PRDM11: variants seen among roughly 807,000 people sequenced by gnomAD.
PRDM11 encodes PR/SET domain 11.
A neutral mutation model predicts 97.8 loss-of-function variants in PRDM11; 20 were observed. The observed-to-expected ratio is 0.20, with a 90% CI of 0.14 to 0.30. PRDM11 has a LOEUF of 0.30. PRDM11 is among the 10% of genes least tolerant of loss of function. PRDM11 has a pLI of 1.00. For synonymous variants in PRDM11, 599 were observed against 637.7 expected (o/e 0.94, Z 0.91); for missense variants, 1,139 against 1,555.2 (o/e 0.73, Z 4.50).
At chr11:45,139,068 T>G (rs1852938543) in intron 1 of PRDM11, among the ~76,000 whole-genome samples, 1 of 152,124 alleles carries the variant, frequency 6.6e-6, no homozygotes, top group Non-Finnish European at 1.5e-5. Flanking sequence ...AGTAAACATA[T>G]TAAAATAAGC....
chr11:45,097,184 A>G (rs930502496), intron 1 of PRDM11, among the ~76,000 whole-genome samples: 2 of 152,204 alleles, frequency 1.3e-5, no homozygotes, highest in East Asian at 3.8e-4. Flanking sequence ...TTAATGCATC[A>G]ATAGCTCACA....
At chr11:45,188,355 T>C (rs879443275) in intron 4 of PRDM11, among the ~76,000 whole-genome samples, 3 of 152,202 alleles carry the variant, frequency 2.0e-5, no homozygotes, top group Non-Finnish European at 2.9e-5. Context: ...TGCACAAAGC[T>C]AAACAGCTGG....
rs1034424867 is a variant in PRDM11 at position 45,226,906 on chromosome 11, A to G, written c.2281A>G (p.Met761Val). 5 of 1,533,766 alleles carry G rather than the reference A, an allele frequency of 3.3e-6. No homozygotes were observed. The highest frequency in any genetic ancestry group is 2.0e-5 in the Admixed American group (1 of 50,986). ...GCCCTGGCTGCTGTGCCTGCCCTTC[A>G]TGGTGCACCGGCCCCACCTGGAGAT... is the stretch of plus-strand genomic sequence containing the variant. ...TLPWLLCLPF[M>V]VHRPHLEILD... Residue 761 changes from methionine to valine, a missense_variant, in exon 8 of 8, where the codon ATG (methionine) becomes GTG (valine). This residue lies in a region of PRDM11 where 710 missense variants were observed against 1,044.9 expected (regional missense o/e 0.68). Transcript: ENST00000683152.
At chr11:45,126,237 T>C (rs1852568340) in intron 1 of PRDM11, among the ~76,000 whole-genome samples, 1 of 152,060 alleles carries the variant, frequency 6.6e-6, no homozygotes, top group Non-Finnish European at 1.5e-5. Context: ...TGTCTCTGCT[T>C]GTGAGATGGG....
intron 1 of PRDM11, among the ~76,000 whole-genome samples, chr11:45,122,489 C>T (rs188914589): frequency 4.3e-5 from 6 of 139,796 alleles, no homozygotes; most frequent in African/African-American, 1.0e-4. Context: ...ATCCCTCCCC[C>T]CTCCCTCCAC....
At chr11:45,157,367 AG>A (rs1851824279) in intron 1 of PRDM11, among the ~76,000 whole-genome samples, 2 of 152,116 alleles carry the variant, frequency 1.3e-5, no homozygotes. Context: ...AGTTCACGGT[AG>A]GGTTCGCGTC....
At chr11:45,121,974 G>A (rs1046150571) in intron 1 of PRDM11, among the ~76,000 whole-genome samples, 6 of 151,564 alleles carry the variant, frequency 4.0e-5, no homozygotes, top group African/African-American at 1.2e-4. Flanking sequence ...AAAGATATAC[G>A]GAAAATTAAT....
chr11:45,224,783 C>T lies in PRDM11; in HGVS notation c.1309C>T (p.Pro437Ser). The change falls in exon 7 of 8, where the codon CCT becomes TCT. Residue 437 changes from proline (P) to serine (S), a missense_variant. This residue lies in a region of PRDM11 where 710 missense variants were observed against 1,044.9 expected (regional missense o/e 0.68). Transcript: ENST00000683152. ...ELDMLKSGKL[P>S]EPPVLPPQVL... Reference sequence around the variant, plus strand: ...AGACATGCTTAAGTCTGGGAAACTTCCTGAGCCCCCCGTATTGCCACCACA... The same window carrying T: ...AGACATGCTTAAGTCTGGGAAACTTTCTGAGCCCCCCGTATTGCCACCACA... The T allele has an allele frequency of 1.2e-6, 2 of 1,614,242 alleles. No homozygotes were observed. The highest frequency in any genetic ancestry group is 1.7e-6 in the Non-Finnish European group (2 of 1,180,048).
At chr11:45,120,704 G>A (rs1403497033) in intron 1 of PRDM11, among the ~76,000 whole-genome samples, 1 of 151,894 alleles carries the variant, frequency 6.6e-6, no homozygotes. Flanking sequence ...TGTCCTTCAT[G>A]GTGAAGGAAA....
At chr11:45,119,348 C>T (rs561818129) in intron 1 of PRDM11, among the ~76,000 whole-genome samples, 44 of 152,168 alleles carry the variant, frequency 2.9e-4, no homozygotes, top group African/African-American at 1.0e-3. Context: ...GGTAAGGCGG[C>T]CGGGCGCGGT....
chr11:45,166,876 C>G (rs549816958), intron 1 of PRDM11, among the ~76,000 whole-genome samples: 1 of 152,304 alleles, frequency 6.6e-6, no homozygotes, highest in East Asian at 1.9e-4. Flanking sequence ...CCAAGTATGC[C>G]CATTTGTTTT....
chr11:45,140,605 T>C (rs1005458582), intron 1 of PRDM11, among the ~76,000 whole-genome samples: 2 of 152,170 alleles, frequency 1.3e-5, no homozygotes, highest in East Asian at 1.9e-4. Flanking sequence ...CAGCCCTTTT[T>C]GTTGGGTGGC....
chr11:45,161,453 A>G (rs373764519), intron 1 of PRDM11, among the ~76,000 whole-genome samples: 130 of 152,252 alleles, frequency 8.5e-4, no homozygotes, highest in African/African-American at 3.0e-3. Flanking sequence ...GCCTACGGGG[A>G]GGGAAGAAGG....
At chr11:45,206,426 T>G (rs1853512724) in intron 5 of PRDM11, among the ~76,000 whole-genome samples, 2 of 152,200 alleles carry the variant, frequency 1.3e-5, no homozygotes, top group African/African-American at 4.8e-5. Flanking sequence ...ACCCCAAGCC[T>G]GTGCTGCTGT....
chr11:45,146,517 C>A (rs201820352), upstream of PRDM11, among the ~76,000 whole-genome samples: 1 of 151,664 alleles, frequency 6.6e-6, no homozygotes, highest in African/African-American at 2.4e-5. Context: ...AGGGCGCGGG[C>A]CTAAGGGGCC....
At chr11:45,198,868 G>A (rs1853225189) in intron 4 of PRDM11, among the ~76,000 whole-genome samples, 1 of 152,146 alleles carries the variant, frequency 6.6e-6, no homozygotes, top group East Asian at 1.9e-4. Context: ...TACTGTCAGA[G>A]ACCCAAGTTT....
chr11:45,199,502 G>C (rs1282562622), intron 4 of PRDM11, among the ~76,000 whole-genome samples: 1 of 152,190 alleles, frequency 6.6e-6, no homozygotes, highest in Non-Finnish European at 1.5e-5. Flanking sequence ...CCAGGCTAAG[G>C]GAGCCTCTCA....
chr11:45,136,633 G>A (rs1325511486), intron 1 of PRDM11, among the ~76,000 whole-genome samples: 2 of 152,152 alleles, frequency 1.3e-5, no homozygotes, highest in Non-Finnish European at 2.9e-5. Context: ...CCCTTAGAAG[G>A]CCGAGGTGAG....
At chr11:45,196,541 C>T (rs1008686298) in intron 4 of PRDM11, among the ~76,000 whole-genome samples, 2 of 152,192 alleles carry the variant, frequency 1.3e-5, no homozygotes, top group African/African-American at 4.8e-5. Flanking sequence ...CTCTCTCACC[C>T]TTGCCCAAGA....
Sources: gnomAD v4.1 joint callset for allele counts (sites outside exome capture counted in the v4.1 genomes callset) on GRCh38, gnomAD v4.1.1 for gene constraint, gnomAD v4.1.1 regional missense constraint, MANE v1.5 for transcripts, NCBI Gene and HGNC (gene_info 2026-07-23, HGNC 2026-07-21) for gene names.